The following EXOC6 variants were observed in gnomAD, a reference collection of about 807,000 sequenced individuals.
EXOC6 encodes exocyst complex component 6.
In EXOC6, 60 loss-of-function variants were observed where a neutral mutation model predicts 112.5. The observed-to-expected ratio is 0.53, with a 90% CI of 0.43 to 0.66. The LOEUF (loss-of-function observed/expected upper bound fraction) is 0.66, where lower values mean the gene tolerates loss of function less well. Ranked by LOEUF, EXOC6 falls within the 30% of genes least tolerant of loss-of-function variation. The pLI is 0.00. For missense variants in EXOC6, 855 were observed against 957.1 expected, an observed-to-expected ratio of 0.89 and a Z score of 1.41; for synonymous variants, 295 against 308.0, an observed-to-expected ratio of 0.96 and a Z score of 0.44.
chr10:92,953,908 A>G (rs1318157197), intron 15 of EXOC6, among the ~76,000 whole-genome samples: 1 of 152,212 alleles, frequency 6.6e-6, no homozygotes, highest in Admixed American at 6.5e-5. Context: ...TGTTTATTAT[A>G]TCTAGAAAGA....
chr10:92,921,420 A>AT (rs1369030603), intron 8 of EXOC6, among the ~76,000 whole-genome samples: 1 of 150,272 alleles, frequency 6.7e-6, no homozygotes, highest in East Asian at 2.0e-4. Flanking sequence ...AATTTTTTGT[A>AT]TTTTTTTAGT....
intron 1 of EXOC6, among the ~76,000 whole-genome samples, chr10:92,855,879 T>G (rs988653774): frequency 1.3e-5 from 2 of 152,068 alleles, no homozygotes; most frequent in Admixed American, 1.3e-4. Context: ...TTTTTCTTTT[T>G]TTTGAGATGA....
chr10:92,980,957 G>A (rs1842804469), intron 18 of EXOC6, among the ~76,000 whole-genome samples: 1 of 152,134 alleles, frequency 6.6e-6, no homozygotes, highest in African/African-American at 2.4e-5. Context: ...AAGCTGGTAG[G>A]CGGAGGTTGC....
intron 8 of EXOC6, 80 bp downstream of exon 8, chr10:92,920,130 A>G: frequency 1.2e-6 from 1 of 815,052 alleles, no homozygotes; most frequent in South Asian, 2.0e-5. Context: ...CTAAAAATTG[A>G]TCATATGCTG....
chr10:93,022,901 C>T (rs1057469895), intron 20 of EXOC6, among the ~76,000 whole-genome samples: 4 of 151,382 alleles, frequency 2.6e-5, no homozygotes, highest in African/African-American at 9.7e-5. Context: ...ATTGCTTTAA[C>T]ACTTTTATAT....
chr10:93,038,739 A>G (rs187945674), intron 20 of EXOC6, among the ~76,000 whole-genome samples: 22 of 152,310 alleles, frequency 1.4e-4, no homozygotes, highest in Admixed American at 1.0e-3. Context: ...AAAGTGTTCT[A>G]TGAAATATAA....
intron 7 of EXOC6, among the ~76,000 whole-genome samples, chr10:92,919,386 C>A (rs1479730257): frequency 1.3e-5 from 2 of 152,158 alleles, no homozygotes; most frequent in Non-Finnish European, 2.9e-5. Flanking sequence ...TTATGTATTT[C>A]TCAAGTTTGA....
chr10:92,857,838 G>A (rs908482507), intron 1 of EXOC6, among the ~76,000 whole-genome samples: 2 of 151,872 alleles, frequency 1.3e-5, no homozygotes, highest in African/African-American at 4.8e-5. Flanking sequence ...ATGGTCATCT[G>A]AGTTCACTCT....
intron 1 of EXOC6, among the ~76,000 whole-genome samples, chr10:92,828,241 T>C (rs1846417460): frequency 6.6e-6 from 1 of 152,232 alleles, no homozygotes; most frequent in Non-Finnish European, 1.5e-5. Context: ...TGGCTAGATT[T>C]CCAGGACAAT....
chr10:93,014,080 GATT>G (rs1245838703), intron 19 of EXOC6, 111 bp from the exon 20 acceptor site: 1 of 754,476 alleles, frequency 1.3e-6, no homozygotes, highest in Non-Finnish European at 2.1e-6. Context: ...CATTTGAAAT[GATT>G]ATGTGTAAAT....
intron 1 of EXOC6, among the ~76,000 whole-genome samples, chr10:92,880,749 G>C (rs1460206720): frequency 6.6e-6 from 1 of 152,052 alleles, no homozygotes; most frequent in African/African-American, 2.4e-5. Context: ...GCTGAAATTT[G>C]AAGGAAGTTT....
intron 4 of EXOC6, among the ~76,000 whole-genome samples, chr10:92,897,928 T>C (rs536062792): frequency 4.6e-5 from 7 of 152,298 alleles, no homozygotes; most frequent in South Asian, 4.1e-4. Context: ...CCTGACGACT[T>C]GGGCACATGT....
intron 18 of EXOC6, among the ~76,000 whole-genome samples, chr10:92,982,742 AG>A: frequency 6.6e-6 from 1 of 151,974 alleles, no homozygotes; most frequent in Non-Finnish European, 1.5e-5. Context: ...GTCCCTTTTA[AG>A]GTGTTTCTCT....
rs117394954 is a variant in EXOC6 at position 92,851,891 on chromosome 10, T to A, written c.101+3257T>A. On this transcript the variant is annotated intron_variant, in intron 1 of 21. Coordinates refer to ENST00000260762, the MANE Select transcript of EXOC6 (RefSeq NM_019053.6). ...TACAAGACCAGCCTGGGTAACATAA[T>A]GAGACCTTGTCTCTACAAATACAAA... is the stretch of plus-strand genomic sequence containing the variant. Among the ~76,000 whole-genome samples the A allele has an allele frequency of 1.8e-4, 28 of 152,178 alleles. No homozygotes were observed. In the East Asian group the frequency reaches 5.4e-3, roughly 29 times the overall value.
Position 92,894,911 on chromosome 10 carries a change from A to G in EXOC6, c.322-19A>G. The G allele has an allele frequency of 6.2e-7, 1 of 1,605,838 alleles. No individual in the cohort carries two copies. The highest frequency in any genetic ancestry group is 1.1e-5 in the South Asian group (1 of 90,782). ...TTTAACTGTTTGTTTAAAAATATGA[A>G]CATTCCTTCTTTTCTAAGGTGATAG... On this transcript the variant is annotated intron_variant, in intron 3 of 21. Transcript: ENST00000260762.
intron 1 of EXOC6, among the ~76,000 whole-genome samples, chr10:92,891,022 G>A (rs140139514): frequency 1.4e-3 from 219 of 152,264 alleles, no homozygotes; most frequent in African/African-American, 4.9e-3. Flanking sequence ...ACAAATCTAC[G>A]CAAGACATGT....
chr10:92,943,843 A>C (rs1259626732), intron 13 of EXOC6, among the ~76,000 whole-genome samples: 1 of 152,106 alleles, frequency 6.6e-6, no homozygotes, highest in Non-Finnish European at 1.5e-5. Flanking sequence ...TCTGACTGAA[A>C]CTGTACTCTT....
At chr10:92,968,411 C>A (rs1842153504) in intron 17 of EXOC6, among the ~76,000 whole-genome samples, 1 of 152,102 alleles carries the variant, frequency 6.6e-6, no homozygotes, top group Non-Finnish European at 1.5e-5. Flanking sequence ...TTATTTAACT[C>A]CTGGCCTCAA....
At chr10:93,037,185 C>T (rs1251203170) in intron 20 of EXOC6, among the ~76,000 whole-genome samples, 2 of 150,824 alleles carry the variant, frequency 1.3e-5, no homozygotes, top group Non-Finnish European at 2.9e-5. Flanking sequence ...CTCTGTCGCC[C>T]AGGCTGGAGT....
Sources: gnomAD v4.1 joint callset for allele counts (sites outside exome capture counted in the v4.1 genomes callset) on GRCh38, gnomAD v4.1.1 for gene constraint, MANE v1.5 for transcripts, NCBI Gene and HGNC (gene_info 2026-07-23, HGNC 2026-07-21) for gene names.